Variants in GNAQ observed in about 807,000 individuals in gnomAD.
GNAQ encodes the protein guanine nucleotide-binding protein G(q) subunit alpha.
Under a neutral mutation model 43.9 loss-of-function variants are expected in GNAQ, and 8 were observed. The observed-to-expected ratio is 0.18, with a 90% CI of 0.11 to 0.33. The LOEUF (loss-of-function observed/expected upper bound fraction) is 0.33, where lower values mean the gene tolerates loss of function less well. Among genes scored for constraint, GNAQ ranks in the 10% least tolerant of loss-of-function variants. The pLI, the probability that GNAQ is intolerant of heterozygous loss-of-function variation, is 1.00. For synonymous variants in GNAQ, 155 were observed against 170.7 expected (o/e 0.91, Z 0.71); for missense variants, 158 against 450.8 (o/e 0.35, Z 5.88).
intron 2 of GNAQ, among the ~76,000 whole-genome samples, chr9:77,895,745 C>G (rs1007302160): frequency 6.6e-6 from 1 of 152,092 alleles, no homozygotes; most frequent in Non-Finnish European, 1.5e-5. Flanking sequence ...GCAGGAGGGA[C>G]CTGGTGGGAG....
rs1227106096 is a variant in GNAQ at position 77,986,916 on chromosome 9, G to GT, written c.136+44183_136+44184insA. ...TTCTCTACTTGTTTGGAAGCTCCAT[G>GT]AGGATAAAGATTTTATTCTTTTATT... On this transcript the variant is annotated intron_variant, in intron 1 of 6. Transcript: ENST00000286548. Among the ~76,000 whole-genome samples, 8 of 150,784 alleles carry GT rather than the reference G, an allele frequency of 5.3e-5. No individual in the cohort carries two copies. The Admixed American group carries it at 5.3e-4, about 10-fold the overall frequency.
intron 2 of GNAQ, among the ~76,000 whole-genome samples, chr9:77,873,372 G>C (rs566556630): frequency 1.3e-4 from 20 of 152,230 alleles, no homozygotes; most frequent in Non-Finnish European, 2.8e-4. Context: ...TCTCTAATAA[G>C]GCTAATAGCA....
At chr9:77,737,193 GGC>G (rs1285710106) in intron 5 of GNAQ, among the ~76,000 whole-genome samples, 1 of 152,122 alleles carries the variant, frequency 6.6e-6, no homozygotes, top group Admixed American at 6.5e-5. Context: ...ATCATCTCGT[GGC>G]AGTGCCACTA....
intron 1 of GNAQ, among the ~76,000 whole-genome samples, chr9:77,990,259 C>T (rs943610628): frequency 6.6e-6 from 1 of 152,192 alleles, no homozygotes; most frequent in Non-Finnish European, 1.5e-5. Context: ...GACATGCTCT[C>T]ACTCTGTTGC....
At chr9:77,822,579 T>C (rs1215777305) in intron 2 of GNAQ, among the ~76,000 whole-genome samples, 4 of 148,508 alleles carry the variant, frequency 2.7e-5, no homozygotes, top group Non-Finnish European at 5.9e-5. Flanking sequence ...GTTCAGTTGG[T>C]AGAATTCAGA....
rs759811008 is a variant in GNAQ, at chr9:77,922,348, G to A, written c.137-3C>T. The A allele has an allele frequency of 1.2e-6, 2 of 1,607,040 alleles. No homozygotes were observed. Among genetic ancestry groups the A allele is most frequent in the Non-Finnish European group, 1.7e-6 (2 of 1,174,640 alleles). On this transcript the variant is annotated splice_region_variant and splice_polypyrimidine_tract_variant and intron_variant, in intron 1 of 6. Coordinates refer to ENST00000286548, the MANE Select transcript of GNAQ (RefSeq NM_002072.5). ...ACTCTTGCCACTCTCTCCTGTCCCT[G>A]AAAGATGAACAATAGCAGCTCATCA...
intron 2 of GNAQ, among the ~76,000 whole-genome samples, chr9:77,845,329 C>CA (rs1827567078): frequency 6.6e-6 from 1 of 152,018 alleles, no homozygotes; most frequent in South Asian, 2.1e-4. Flanking sequence ...CTTTTTTAAA[C>CA]AAAACTCTTG....
chr9:78,015,826 G>A (rs559841496), intron 1 of GNAQ, among the ~76,000 whole-genome samples: 8 of 152,012 alleles, frequency 5.3e-5, no homozygotes, highest in Admixed American at 6.6e-5. Flanking sequence ...ATGCTACATA[G>A]GGACATGTAA....
chr9:77,966,704 G>A (rs757584217), intron 1 of GNAQ, among the ~76,000 whole-genome samples: 8 of 152,226 alleles, frequency 5.3e-5, no homozygotes, highest in Non-Finnish European at 1.0e-4. Context: ...TGAGGGGAAA[G>A]AGGTAATGAA....
chr9:77,954,546 A>G (rs992833688), intron 1 of GNAQ, among the ~76,000 whole-genome samples: 3 of 152,218 alleles, frequency 2.0e-5, no homozygotes, highest in East Asian at 3.8e-4. Context: ...TCCATGCCTC[A>G]TAATTTCCTG....
intron 1 of GNAQ, among the ~76,000 whole-genome samples, chr9:77,965,146 C>T (rs1587434793): frequency 6.6e-6 from 1 of 152,044 alleles, no homozygotes; most frequent in South Asian, 2.1e-4. Flanking sequence ...ATTATCTAAC[C>T]TGTTACCCTG....
chr9:77,921,282 T>C (rs1286847697), intron 2 of GNAQ, among the ~76,000 whole-genome samples: 1 of 152,220 alleles, frequency 6.6e-6, no homozygotes, highest in Non-Finnish European at 1.5e-5. Context: ...ATCCCTTCCC[T>C]TGGGCTGGTA....
chr9:77,716,713 A>G lies in GNAQ; in HGVS notation c.*4610T>C, dbSNP rs1825232244. The G allele has an allele frequency of 4.3e-6, 1 of 232,886 alleles. No homozygotes were observed. The highest frequency in any genetic ancestry group is 8.5e-6 in the Non-Finnish European group (1 of 117,900). 14.4% of individuals were successfully genotyped at this position (232,886 alleles called of 1,614,324 possible). On this transcript the variant is annotated 3_prime_UTR_variant, in exon 7 of 7. Coordinates refer to ENST00000286548, the MANE Select transcript of GNAQ (RefSeq NM_002072.5). ...TATAAAAGTCAGAATTTCTTTATCCAAGATCTGATTTTACCCAATAGATGT... is the reference window on the plus strand; with the variant it reads ...TATAAAAGTCAGAATTTCTTTATCCGAGATCTGATTTTACCCAATAGATGT...
At chr9:77,996,579 G>A (rs1012720119) in intron 1 of GNAQ, among the ~76,000 whole-genome samples, 6 of 151,026 alleles carry the variant, frequency 4.0e-5, no homozygotes, top group African/African-American at 1.5e-4. Context: ...TCAGGAGGCT[G>A]AGGCAGAAGA....
intron 2 of GNAQ, among the ~76,000 whole-genome samples, chr9:77,893,356 A>G (rs753706922): frequency 6.6e-5 from 10 of 152,344 alleles, no homozygotes; most frequent in South Asian, 2.1e-4. Context: ...TCCCACCAGC[A>G]TCATGACAGT....
rs960634758 is a variant in GNAQ, at chr9:78,027,612, G to A, written c.136+3488C>T. 5.9e-5 allele frequency among the ~76,000 whole-genome samples: 9 copies of A among 152,126 alleles called. No individual in the cohort carries two copies. The South Asian group carries it at 6.2e-4, about 11-fold the overall frequency. ...CTAAATGCAAAAAAAATAGCCGGGC[G>A]TGGTGGTGCATGCCTGTAATCCAAG... On this transcript the variant is annotated intron_variant, in intron 1 of 6. Coordinates refer to ENST00000286548, the MANE Select transcript of GNAQ (RefSeq NM_002072.5).
chr9:78,006,893 TTTG>T (rs1302940774), intron 1 of GNAQ, among the ~76,000 whole-genome samples: 1 of 152,212 alleles, frequency 6.6e-6, no homozygotes, highest in African/African-American at 2.4e-5. Flanking sequence ...ATTTCAGTTC[TTTG>T]CTAGTGAGGT....
chr9:77,814,903 T>G (rs539011141), intron 3 of GNAQ, among the ~76,000 whole-genome samples: 1 of 152,360 alleles, frequency 6.6e-6, no homozygotes, highest in African/African-American at 2.4e-5. Flanking sequence ...CATTGCTGAC[T>G]ACATTGATCA....
intron 2 of GNAQ, among the ~76,000 whole-genome samples, chr9:77,875,620 G>A (rs1828113760): frequency 6.6e-6 from 1 of 152,198 alleles, no homozygotes; most frequent in Non-Finnish European, 1.5e-5. Context: ...AAGAGCTTCA[G>A]AATTTGAGCT....
Sources: allele counts gnomAD v4.1 joint callset (sites outside exome capture counted in the v4.1 genomes callset), GRCh38; gene constraint gnomAD v4.1.1; transcripts MANE v1.5; gene names NCBI Gene and HGNC (gene_info 2026-07-23, HGNC 2026-07-21).